Variants in MTHFD1L observed in about 807,000 individuals in gnomAD.
The protein encoded by MTHFD1L is methylenetetrahydrofolate dehydrogenase (NADP+ dependent) 1 like.
Under a neutral mutation model 119.5 loss-of-function variants are expected in MTHFD1L, and 81 were observed. That is an observed-to-expected ratio of 0.68 (90% CI 0.57 to 0.82). MTHFD1L has a LOEUF of 0.82. MTHFD1L is among the 40% of genes least tolerant of loss of function. The pLI is 0.00. For synonymous variants in MTHFD1L, 430 were observed against 475.2 expected (o/e 0.90, Z 1.24); for missense variants, 1,125 against 1,253.4 (o/e 0.90, Z 1.55).
At chr6:151,005,243 A>G (rs532961176) in intron 20 of MTHFD1L, among the ~76,000 whole-genome samples, 11 of 152,248 alleles carry the variant, frequency 7.2e-5, no homozygotes, top group Middle Eastern at 3.4e-3. Context: ...ACAGATACAC[A>G]GCACTCCACA....
At chr6:150,905,860 A>C (rs540301527) in intron 8 of MTHFD1L, 99 bp downstream of exon 8, 1 of 923,574 alleles carries the variant, frequency 1.1e-6, no homozygotes, top group African/African-American at 1.6e-5. Flanking sequence ...AAATGTTAGC[A>C]GTCGTCAACA....
intron 1 of MTHFD1L, among the ~76,000 whole-genome samples, chr6:150,871,183 C>T (rs1779427447): frequency 1.4e-5 from 2 of 143,492 alleles, no homozygotes; most frequent in Admixed American, 7.1e-5. Flanking sequence ...AATATATATA[C>T]CTTAATTTTA....
chr6:151,024,459 C>T (rs1275476623), intron 24 of MTHFD1L, among the ~76,000 whole-genome samples: 2 of 151,962 alleles, frequency 1.3e-5, no homozygotes, highest in Non-Finnish European at 2.9e-5. Flanking sequence ...GGGAGGATTG[C>T]TTGAGCTTGG....
Position 150,876,142 on chromosome 6 carries a change from C to T in MTHFD1L, c.280C>T (p.Pro94Ser), listed in dbSNP as rs1422023663. ...EVLSLLQEKN[P>S]AFKPVLAIIQ... The stretch of plus-strand genomic sequence containing the variant: ...TCTAAGTTTATTGCAAGAAAAAAAC[C>T]CTGCCTTCAAGCCGGTTCTTGCAAT... The change falls in exon 2 of 28, where the codon CCT becomes TCT. Residue 94 changes from proline to serine, a missense_variant. Transcript: ENST00000367321. 1 of 1,603,198 alleles carries T rather than the reference C, an allele frequency of 6.2e-7. No homozygotes were observed. The highest frequency in any genetic ancestry group is 8.5e-7 in the Non-Finnish European group (1 of 1,174,842).
chr6:151,017,551 TC>T (rs1783283275), intron 24 of MTHFD1L, among the ~76,000 whole-genome samples: 1 of 152,070 alleles, frequency 6.6e-6, no homozygotes, highest in South Asian at 2.1e-4. Context: ...TTCACCATGT[TC>T]GTCAGGCTGG....
chr6:151,003,599 A>G (rs1399557358), intron 20 of MTHFD1L, among the ~76,000 whole-genome samples: 1 of 152,170 alleles, frequency 6.6e-6, no homozygotes, highest in South Asian at 2.1e-4. Flanking sequence ...AATCTTTCCC[A>G]TCTTTGTCAT....
chr6:151,072,714 A>G lies in MTHFD1L; in HGVS notation c.2848-19753A>G, dbSNP rs9383554. Reference sequence around the variant, plus strand: ...TGAGGCAGGAGGATCACTTGAACCCAGGGGACAGAGGTTGCAGTGAACAGA... The same window carrying G: ...TGAGGCAGGAGGATCACTTGAACCCGGGGGACAGAGGTTGCAGTGAACAGA... On this transcript the variant is annotated intron_variant, in intron 26 of 27. Transcript: ENST00000367321. Among the ~76,000 whole-genome samples the G allele has an allele frequency of 1.4e-3, 217 of 152,278 alleles. 3 individuals are homozygous for G. The East Asian group carries it at 0.037, about 26-fold the overall frequency.
At chr6:150,979,569 T>G (rs1777127190) in intron 20 of MTHFD1L, among the ~76,000 whole-genome samples, 1 of 152,060 alleles carries the variant, frequency 6.6e-6, no homozygotes, top group African/African-American at 2.4e-5. Context: ...GGCACGATCT[T>G]GGCTCACTGC....
At chr6:150,866,278 T>A (rs1283645379) in intron 1 of MTHFD1L, 3 of 1,461,918 alleles carry the variant, frequency 2.1e-6, no homozygotes, top group Non-Finnish European at 2.7e-6. Context: ...GCAGCGCAGG[T>A]GGGCGTGGGC....
chr6:150,889,006 C>G (rs1010347062), intron 7 of MTHFD1L, among the ~76,000 whole-genome samples: 2 of 152,104 alleles, frequency 1.3e-5, no homozygotes, highest in African/African-American at 4.8e-5. Flanking sequence ...GAAACACCGT[C>G]TCTACTAAAA....
chr6:150,868,426 G>C (rs560629334), intron 1 of MTHFD1L, among the ~76,000 whole-genome samples: 1 of 148,718 alleles, frequency 6.7e-6, no homozygotes, highest in African/African-American at 2.5e-5. Flanking sequence ...TGCAACCTCC[G>C]CCTCCCGGGT....
At chr6:150,912,173 A>T (rs772510263) in intron 8 of MTHFD1L, among the ~76,000 whole-genome samples, 1 of 152,188 alleles carries the variant, frequency 6.6e-6, no homozygotes. Flanking sequence ...GGGGATTACA[A>T]TTGAACATGA....
At chr6:151,069,511 A>AT in intron 26 of MTHFD1L, among the ~76,000 whole-genome samples, 1 of 152,052 alleles carries the variant, frequency 6.6e-6, no homozygotes, top group South Asian at 2.1e-4. Flanking sequence ...TGACTGTGTT[A>AT]TTTTCTTATT....
intron 1 of MTHFD1L, chr6:150,866,601 T>C (rs1778381321): frequency 8.2e-7 from 1 of 1,216,888 alleles, no homozygotes; most frequent in African/African-American, 1.6e-5. Context: ...GGCTGGGGTC[T>C]GTGGCTGACG....
chr6:150,936,496 C>T (rs1005541937), intron 11 of MTHFD1L, among the ~76,000 whole-genome samples: 15 of 152,220 alleles, frequency 9.9e-5, no homozygotes, highest in Admixed American at 3.3e-4. Context: ...AGAAATGCCC[C>T]ACCATCAGCT....
At chr6:151,074,180 C>T (rs748986416) in intron 26 of MTHFD1L, among the ~76,000 whole-genome samples, 2 of 152,058 alleles carry the variant, frequency 1.3e-5, no homozygotes, top group African/African-American at 2.4e-5. Flanking sequence ...ATTTTAGACA[C>T]GTAAAAGCTG....
chr6:151,054,871 A>G (rs566434820), intron 26 of MTHFD1L: 1 of 152,352 alleles, frequency 6.6e-6, no homozygotes, highest in South Asian at 2.1e-4. Context: ...TGAGTGGAGA[A>G]AAATGAGATT....
rs528863792 is a variant in MTHFD1L at position 151,005,329 on chromosome 6, C to T, written c.2126-4490C>T. On this transcript the variant is annotated intron_variant, in intron 20 of 27. Transcript: ENST00000367321. ...TTCATAATTACTGATTACACATCAG[C>T]ATACCTTTTCCATGTTCTGTTTCCT... 1.4e-3 allele frequency among the ~76,000 whole-genome samples: 207 copies of T among 152,236 alleles called. 2 individuals carry two copies. Among genetic ancestry groups the T allele is most frequent in the African/African-American group, 4.7e-3 (196 of 41,488 alleles).
At chr6:151,081,498 CAAAAAAAAAAAAAAA>C (rs56795003) in intron 26 of MTHFD1L, among the ~76,000 whole-genome samples, 1 of 98,194 alleles carries the variant, frequency 1.0e-5, no homozygotes, top group African/African-American at 4.6e-5. Context: ...ACTAAAAATG[CAAAAAAAAAAAAAAA>C]AAAAAAAAAA....
Sources: gnomAD v4.1 joint callset for allele counts (sites outside exome capture counted in the v4.1 genomes callset) on GRCh38, gnomAD v4.1.1 for gene constraint, MANE v1.5 for transcripts, NCBI Gene and HGNC (gene_info 2026-07-23, HGNC 2026-07-21) for gene names.